Variants in TTC8 observed in about 807,000 individuals in gnomAD.
TTC8 encodes the protein tetratricopeptide repeat protein 8.
In TTC8, 47 loss-of-function variants were observed where a neutral mutation model predicts 72.5. The observed-to-expected ratio is 0.65, with a 90% CI of 0.51 to 0.83. The LOEUF (loss-of-function observed/expected upper bound fraction) is 0.83. Ranked by LOEUF, TTC8 falls within the 40% of genes least tolerant of loss-of-function variation. The pLI, the probability that TTC8 is intolerant of heterozygous loss-of-function variation, is 0.00. For missense variants in TTC8, 611 were observed against 623.2 expected (o/e 0.98, Z 0.21); for synonymous variants, 199 against 221.4 (o/e 0.90, Z 0.90).
chr14:88,852,840 C>T lies in TTC8; in HGVS notation c.625-131C>T. 4 of 788,404 alleles carry T rather than the reference C, an allele frequency of 5.1e-6. No individual in the cohort carries two copies. In the Admixed American group the frequency reaches 6.3e-5, roughly 12 times the overall value. The allele number at this position is 788,404 out of a possible 1,614,324, so 48.8% of individuals were successfully genotyped here. Reference sequence around the variant, plus strand: ...TGGGGCCATCTGGAAACATGAGCAACTTGAGTTTCTGTCGGATTTCTAATG... The same window carrying T: ...TGGGGCCATCTGGAAACATGAGCAATTTGAGTTTCTGTCGGATTTCTAATG... On this transcript the variant is annotated intron_variant, in intron 7 of 14. Coordinates refer to ENST00000380656, the MANE Select transcript of TTC8 (RefSeq NM_144596.4).
rs1201893672 is a variant in TTC8 at position 88,871,653 on chromosome 14, G to T, written c.1154G>T (p.Arg385Leu). The change falls in exon 12 of 15, where the codon CGT (arginine) becomes CTT (leucine). Residue 385 changes from arginine (R) to leucine (L), a missense_variant. Arg to Leu is a moderately radical substitution (Grantham distance 102). Transcript: ENST00000380656. This position sits in a 1 kb window ranked among gnomAD's most constrained non-coding sequence, Gnocchi z 4.1. Reference sequence around the variant, plus strand: ...GATATGACTCTGACCTCATTTGAACGTGCCCTTTCTTTGGCTGAAAATGAA... The same window carrying T: ...GATATGACTCTGACCTCATTTGAACTTGCCCTTTCTTTGGCTGAAAATGAA... ...QYDMTLTSFE[R>L]ALSLAENEEE... 2 of 1,613,954 alleles carry T rather than the reference G, an allele frequency of 1.2e-6. No homozygotes were observed. Among genetic ancestry groups the T allele is most frequent in the African/African-American group, 1.3e-5 (1 of 74,874 alleles).
chr14:88,837,386 C>T (rs181326445), intron 2 of TTC8, among the ~76,000 whole-genome samples: 3 of 152,304 alleles, frequency 2.0e-5, no homozygotes, highest in Non-Finnish European at 2.9e-5. Context: ...TCTGTTCTAT[C>T]ACACACTTCT....
rs1304545518 is a variant in TTC8 at position 88,871,747 on chromosome 14, TTC to T, written c.1224+26_1224+27del. 1.2e-6 allele frequency: 2 copies of T among 1,613,798 alleles called. No homozygotes were observed. Among genetic ancestry groups the T allele is most frequent in the South Asian group, 2.2e-5 (2 of 91,066 alleles). The stretch of plus-strand genomic sequence containing the variant: ...TGGTATGTTGTCTTACTGATATAAT[TTC>T]TGTTATAGAAAGTTGGTTTGAGCCA... On this transcript the variant is annotated intron_variant, in intron 12 of 14. Coordinates refer to ENST00000380656, the MANE Select transcript of TTC8 (RefSeq NM_144596.4). This position sits in a 1 kb window ranked among gnomAD's most constrained non-coding sequence, Gnocchi z 4.1.
Position 88,872,379 on chromosome 14 carries a change from TCAA to T in TTC8, c.1285_1287del (p.Asn429del), listed in dbSNP as rs750442302. The T allele has an allele frequency of 6.2e-6, 10 of 1,613,756 alleles. No individual in the cohort carries two copies. Among genetic ancestry groups the T allele is most frequent in the Non-Finnish European group, 8.5e-6 (10 of 1,179,902 alleles). ...CATCAGTGCTTCAGGCTGGCTCTGG[TCAA>T]CAACAACAACCACGCCGAGGCCTAC... is the stretch of plus-strand genomic sequence containing the variant. On this transcript the variant is annotated inframe_deletion, in exon 13 of 15. Transcript: ENST00000380656.
Position 88,872,445 on chromosome 14 carries a change from T to C in TTC8, c.1340T>C (p.Val447Ala), listed in dbSNP as rs775992377. Reference sequence around the variant, plus strand: ...GTGCTGGAGATGCGGAAGGGCCACGTTGAACAGGTCAGTGAACTGGCAGCG... The same window carrying C: ...GTGCTGGAGATGCGGAAGGGCCACGCTGAACAGGTCAGTGAACTGGCAGCG... ...LAVLEMRKGHVEQARALLQTA... is the reference protein window; with the variant it reads ...LAVLEMRKGHAEQARALLQTA... Residue 447 changes from valine (V) to alanine (A), a missense_variant, in exon 13 of 15, where the codon GTT becomes GCT. Physicochemically the swap from Val to Ala is moderately conservative, Grantham distance 64. Transcript: ENST00000380656. 8.7e-6 allele frequency: 14 copies of C among 1,613,674 alleles called. No homozygotes were observed. In the East Asian group the frequency reaches 2.5e-4, roughly 28 times the overall value.
chr14:88,828,932 C>G (rs2094713978), intron 1 of TTC8, among the ~76,000 whole-genome samples: 1 of 152,118 alleles, frequency 6.6e-6, no homozygotes, highest in Non-Finnish European at 1.5e-5. Context: ...GATAGTCAGG[C>G]TAGCCAGAGA....
Position 88,861,291 on chromosome 14 carries a change from G to A in TTC8, c.868G>A (p.Gly290Arg). ...CAAACAAGGCTTAGATAAGTTTCCA[G>A]GAGAAGTAACCCTGCTCTGTGGAAT... ...LFKQGLDKFP[G>R]EVTLLCGIAR... Residue 290 changes from glycine to arginine, a missense_variant, in exon 10 of 15, where the codon GGA becomes AGA. Physicochemically the swap from Gly to Arg is moderately radical, Grantham distance 125. Transcript: ENST00000380656. 1 of 1,612,874 alleles carries A rather than the reference G, an allele frequency of 6.2e-7. No homozygotes were observed. The highest frequency in any genetic ancestry group is 8.5e-7 in the Non-Finnish European group (1 of 1,179,376).
intron 6 of TTC8, 125 bp from the exon 7 acceptor site, chr14:88,843,681 A>G (rs1479089353): frequency 6.4e-6 from 4 of 626,494 alleles, no homozygotes; most frequent in South Asian, 2.1e-5. Context: ...ATATTTTAAA[A>G]TGAGTGATAG....
intron 7 of TTC8, among the ~76,000 whole-genome samples, chr14:88,849,012 C>A (rs1203973676): frequency 2.6e-5 from 4 of 152,154 alleles, no homozygotes; most frequent in African/African-American, 9.7e-5. Context: ...AATATACATA[C>A]ATTTTTTGTA....
Position 88,871,853 on chromosome 14 carries a change from A to G in TTC8, c.1224+130A>G. ...GATTGCTTGAGCCCAGGAGTTTGAGACCACCCTGGGCAACATAGTGGGACT... is the reference window on the plus strand; with the variant it reads ...GATTGCTTGAGCCCAGGAGTTTGAGGCCACCCTGGGCAACATAGTGGGACT... On this transcript the variant is annotated intron_variant, in intron 12 of 14. Transcript: ENST00000380656. The surrounding 1 kb of genome is among the most constrained non-coding windows in gnomAD (Gnocchi z 4.1). 2 of 1,050,218 alleles carry G rather than the reference A, an allele frequency of 1.9e-6. No homozygotes were observed. The highest frequency in any genetic ancestry group is 2.6e-5 in the South Asian group (2 of 76,686). 65.1% of individuals were successfully genotyped at this position (1,050,218 alleles called of 1,614,324 possible). A position where few individuals can be genotyped will look rare whatever the true frequency, so the allele number is the denominator to read the frequency against.
intron 10 of TTC8, among the ~76,000 whole-genome samples, chr14:88,868,517 G>A (rs1176510335): frequency 6.6e-6 from 1 of 151,706 alleles, no homozygotes; most frequent in Admixed American, 6.6e-5. Context: ...ACTAAATTTT[G>A]TGCTAAGAAA....
Position 88,850,763 on chromosome 14 carries a change from A to C in TTC8, c.625-2208A>C, listed in dbSNP as rs563184431. Among the ~76,000 whole-genome samples, 6 of 152,356 alleles carry C rather than the reference A, an allele frequency of 3.9e-5. No homozygotes were observed. In the South Asian group the frequency reaches 1.2e-3, roughly 32 times the overall value. On this transcript the variant is annotated intron_variant, in intron 7 of 14. Coordinates refer to ENST00000380656, the MANE Select transcript of TTC8 (RefSeq NM_144596.4). ...GGACAGAAAAACCAAATTCTGTCAA[A>C]ATATTTAAAGAGGTTTATTCTGAGT...
At position 88,871,379 on chromosome 14, in the gene TTC8, G is replaced by A. The variant is rs74079407; in HGVS notation, c.1050-170G>A. Among the ~76,000 whole-genome samples the A allele has an allele frequency of 8.1e-3, 1,234 of 152,234 alleles. 18 individuals carry two copies. Among genetic ancestry groups the A allele is most frequent in the African/African-American group, 0.028 (1,164 of 41,548 alleles). On this transcript the variant is annotated intron_variant, in intron 11 of 14. Transcript: ENST00000380656. This position sits in a 1 kb window ranked among gnomAD's most constrained non-coding sequence, Gnocchi z 4.1. ...GTACCATTATGAAAGAGAGGTGTTT[G>A]TATTTGCTTTAAACATTTTTTCATT... is the stretch of plus-strand genomic sequence containing the variant.
chr14:88,825,414 G>T (rs1022951261), intron 1 of TTC8, among the ~76,000 whole-genome samples: 2 of 152,202 alleles, frequency 1.3e-5, no homozygotes, highest in Non-Finnish European at 2.9e-5. Context: ...GGCAAGGGAA[G>T]CTCTAATTGT....
intron 7 of TTC8, among the ~76,000 whole-genome samples, chr14:88,844,869 A>G (rs1244333027): frequency 6.6e-6 from 1 of 152,110 alleles, no homozygotes; most frequent in Non-Finnish European, 1.5e-5. Flanking sequence ...TGTGTTTTCT[A>G]TGTGTCAACC....
rs916196731 is a variant in TTC8, at chr14:88,831,820, A to G, written c.115-1873A>G. On this transcript the variant is annotated intron_variant, in intron 1 of 14. Coordinates refer to ENST00000380656, the MANE Select transcript of TTC8 (RefSeq NM_144596.4). ...GGATGTTGAATATAGTTCATAAATC[A>G]TTGGCACTCAATAATTTCCAGAATA... 2.8e-4 allele frequency among the ~76,000 whole-genome samples: 42 copies of G among 152,216 alleles called. 1 individual carries two copies. The highest frequency in any genetic ancestry group is 2.5e-3 in the Admixed American group (38 of 15,278).
intron 1 of TTC8, among the ~76,000 whole-genome samples, chr14:88,832,952 A>G (rs1486366529): frequency 6.6e-6 from 1 of 152,034 alleles, no homozygotes; most frequent in Non-Finnish European, 1.5e-5. Context: ...TCATGTTCCT[A>G]CCATGCGTCA....
rs554033400 is a variant in TTC8, at chr14:88,831,513, A to G, written c.115-2180A>G. Among the ~76,000 whole-genome samples the G allele has an allele frequency of 6.6e-5, 10 of 152,324 alleles. No homozygotes were observed. The South Asian group carries it at 2.1e-3, about 32-fold the overall frequency. On this transcript the variant is annotated intron_variant, in intron 1 of 14. Transcript: ENST00000380656. ...TGGAATTATTTCCTTGGCAGAGCCA[A>G]GAACCCTCCTGGGCTAAGCCCCAAT...
chr14:88,839,380 G>A, intron 2 of TTC8, 72 bp from the exon 3 acceptor site: 1 of 1,467,490 alleles, frequency 6.8e-7, no homozygotes, highest in East Asian at 2.4e-5. Flanking sequence ...AATGAAGGAT[G>A]GCTATTTCTA....
Sources: gnomAD v4.1 joint callset for allele counts (sites outside exome capture counted in the v4.1 genomes callset) on GRCh38, gnomAD v4.1.1 for gene constraint, Gnocchi (gnomAD v3.1) non-coding constraint, MANE v1.5 for transcripts, NCBI Gene and HGNC (gene_info 2026-07-23, HGNC 2026-07-21) for gene names.